Variants in ANO2 observed in about 807,000 individuals in gnomAD.
ANO2 encodes the protein anoctamin 2, also known as anoctamin-2.
In ANO2, 101 loss-of-function variants were observed where a neutral mutation model predicts 124.2. That is an observed-to-expected ratio of 0.81 (90% confidence interval 0.69 to 0.96). The LOEUF is 0.96. Among genes scored for constraint, ANO2 ranks in the 40% least tolerant of loss-of-function variants. The pLI is 0.00. For synonymous variants in ANO2, 486 were observed against 482.5 expected, an observed-to-expected ratio of 1.01 and a Z score of -0.09; for missense variants, 1,293 against 1,274.5, an observed-to-expected ratio of 1.01 and a Z score of -0.22.
chr12:5,626,453 G>C (rs1485077517), intron 16 of ANO2, among the ~76,000 whole-genome samples: 1 of 152,262 alleles, frequency 6.6e-6, no homozygotes, highest in African/African-American at 2.4e-5. Flanking sequence ...GAGTACGGAG[G>C]GGCCACCTCA....
At chr12:5,873,196 GCTCTCTCTCTCTCTCTCTCTCTCTCTCT>G (rs57038931) in intron 3 of ANO2, among the ~76,000 whole-genome samples, 1 of 118,934 alleles carries the variant, frequency 8.4e-6, no homozygotes, top group Non-Finnish European at 1.7e-5. Context: ...GCCTAAAGCA[GCTCTCTCTCTCTCTCTCTCTCTCTCTCT>G]CTCTCTCTCT....
At chr12:5,647,876 A>G in intron 14 of ANO2, 75 bp from the exon 15 acceptor site, 5 of 1,093,886 alleles carry the variant, frequency 4.6e-6, no homozygotes, top group Non-Finnish European at 5.5e-6. Context: ...ATTTGCATAT[A>G]TTTGCATGCG....
At chr12:5,599,413 T>A (rs901701714) in intron 20 of ANO2, 71 bp downstream of exon 20, 3 of 1,480,460 alleles carry the variant, frequency 2.0e-6, no homozygotes, top group African/African-American at 1.4e-5. Context: ...ATCCCCTACC[T>A]TCCCCCTTCA....
At chr12:5,603,358 T>C (rs1003743661) in intron 19 of ANO2, among the ~76,000 whole-genome samples, 4 of 152,214 alleles carry the variant, frequency 2.6e-5, no homozygotes, top group Non-Finnish European at 5.9e-5. Flanking sequence ...GGGAGAAGTT[T>C]AGTGATTATG....
At chr12:5,612,183 T>C (rs1396053249) in intron 19 of ANO2, among the ~76,000 whole-genome samples, 3 of 152,294 alleles carry the variant, frequency 2.0e-5, no homozygotes, top group African/African-American at 4.8e-5. Context: ...CTGGGGAGCA[T>C]AGGGGGGAAT....
intron 19 of ANO2, among the ~76,000 whole-genome samples, chr12:5,611,116 G>A (rs1055403302): frequency 7.3e-5 from 11 of 151,488 alleles, no homozygotes; most frequent in South Asian, 6.3e-4. Flanking sequence ...GACTACAGGC[G>A]CACACAACCA....
chr12:5,610,860 A>ACACACAC (rs1565472315), intron 19 of ANO2, among the ~76,000 whole-genome samples: 10 of 103,276 alleles, frequency 9.7e-5, no homozygotes, highest in South Asian at 3.0e-4. Flanking sequence ...ACACACACAC[A>ACACACAC]ACCCTAAGGG....
At chr12:5,901,937 T>C (rs1269088840) in intron 3 of ANO2, among the ~76,000 whole-genome samples, 3 of 152,222 alleles carry the variant, frequency 2.0e-5, no homozygotes, top group African/African-American at 4.8e-5. Flanking sequence ...ATTTGACTTA[T>C]TCCTTTGCCA....
intron 20 of ANO2, among the ~76,000 whole-genome samples, chr12:5,582,934 C>A (rs1942834138): frequency 6.6e-6 from 1 of 152,130 alleles, no homozygotes; most frequent in Non-Finnish European, 1.5e-5. Flanking sequence ...GAACTCGGTG[C>A]CTTGGGCATC....
intron 22 of ANO2, 103 bp downstream of exon 22, chr12:5,577,852 G>C (rs907054846): frequency 1.7e-6 from 2 of 1,184,524 alleles, no homozygotes; most frequent in Middle Eastern, 2.4e-4. Flanking sequence ...GCTACAAATG[G>C]AAAAGGCTGG....
intron 9 of ANO2, among the ~76,000 whole-genome samples, chr12:5,800,191 C>G (rs1952996961): frequency 6.6e-6 from 1 of 152,066 alleles, no homozygotes; most frequent in Admixed American, 6.5e-5. Flanking sequence ...GTGCAAATGC[C>G]CCAAGGCAAG....
chr12:5,612,828 G>A, intron 18 of ANO2, 72 bp from the exon 19 acceptor site: 1 of 1,605,916 alleles, frequency 6.2e-7, no homozygotes, highest in Non-Finnish European at 8.5e-7. Flanking sequence ...CGCGAATGAA[G>A]CCATGCTGTG....
intron 10 of ANO2, among the ~76,000 whole-genome samples, chr12:5,758,812 C>T (rs1477440165): frequency 1.3e-5 from 2 of 152,164 alleles, no homozygotes; most frequent in African/African-American, 2.4e-5. Context: ...TCATTTTATA[C>T]ACAATGTATG....
intron 3 of ANO2, among the ~76,000 whole-genome samples, chr12:5,855,540 G>T (rs1042089915): frequency 2.0e-5 from 3 of 152,218 alleles, no homozygotes; most frequent in African/African-American, 4.8e-5. Context: ...TTCAAAAGGA[G>T]ATTGGACTAT....
At position 5,802,582 on chromosome 12, in the gene ANO2, C is replaced by T. The variant is rs375964035; in HGVS notation, c.991-3011G>A. On this transcript the variant is annotated intron_variant, in intron 9 of 24. Coordinates refer to ENST00000682330, the MANE Select transcript of ANO2 (RefSeq NM_001364791.2). ...ATGCTGAACTCCAGCTTGCAGGGTCCCAGAAGGGACCAGCACTCAGGGTGA... is the reference window on the plus strand; with the variant it reads ...ATGCTGAACTCCAGCTTGCAGGGTCTCAGAAGGGACCAGCACTCAGGGTGA... 7.2e-5 allele frequency among the ~76,000 whole-genome samples: 11 copies of T among 152,162 alleles called. No individual in the cohort carries two copies. In the East Asian group the frequency reaches 9.7e-4, roughly 13 times the overall value.
At chr12:5,779,175 T>C (rs531098403) in intron 10 of ANO2, among the ~76,000 whole-genome samples, 1 of 152,258 alleles carries the variant, frequency 6.6e-6, no homozygotes, top group African/African-American at 2.4e-5. Context: ...TGTGAAAATT[T>C]AGTGTGCATT....
upstream of ANO2, chr12:5,946,157 G>A (rs1342077671): frequency 6.2e-7 from 1 of 1,613,732 alleles, no homozygotes; most frequent in African/African-American, 1.3e-5. The surrounding 1 kb of genome is among the most constrained non-coding windows in gnomAD (Gnocchi z 4.1). Flanking sequence ...TGACCTTCAG[G>A]CATGAAGATT....
At chr12:5,615,345 C>T (rs1381348553) in intron 16 of ANO2, 48 bp from the exon 17 acceptor site, 12 of 1,461,014 alleles carry the variant, frequency 8.2e-6, no homozygotes, top group African/African-American at 4.2e-5. Context: ...GATTTCTCAC[C>T]TCTCCAGAGT....
rs61360127 is a variant in ANO2, at chr12:5,583,652, CAAAAAAAAA to C, written c.2234-5143_2234-5135del. ...TGGGCTAAAGAGCGGGACTCCGTCT[CAAAAAAAAA>C]AAAAAAAAAAAAAAAAAAAATGCTT... On this transcript the variant is annotated intron_variant, in intron 20 of 24. Coordinates refer to ENST00000682330, the MANE Select transcript of ANO2 (RefSeq NM_001364791.2). The C allele has an allele frequency of 4.7e-3, 359 of 76,942 alleles. 1 individual carries two copies. Among genetic ancestry groups the C allele is most frequent in the Non-Finnish European group, 6.9e-3 (265 of 38,562 alleles). The allele number at this position is 76,942 out of a possible 1,614,324, so 4.8% of individuals were successfully genotyped here.
Sources: gnomAD v4.1 joint callset for allele counts (sites outside exome capture counted in the v4.1 genomes callset) on GRCh38, gnomAD v4.1.1 for gene constraint, Gnocchi (gnomAD v3.1) non-coding constraint, MANE v1.5 for transcripts, NCBI Gene and HGNC (gene_info 2026-07-23, HGNC 2026-07-21) for gene names.